The following RIC3 variants were observed in gnomAD, a reference collection of about 807,000 sequenced individuals.
RIC3 encodes RIC3 acetylcholine receptor chaperone.
A neutral mutation model predicts 27.3 loss-of-function variants in RIC3; 28 were observed. The ratio of observed to expected loss-of-function variants is 1.02; its 90% CI spans 0.76 to 1.41. The LOEUF (loss-of-function observed/expected upper bound fraction) is 1.41, where lower values mean the gene tolerates loss of function less well. Ranked by LOEUF, RIC3 falls within the 40% of genes most tolerant of loss-of-function variation. RIC3 has a pLI of 0.00. For synonymous variants in RIC3, 184 were observed against 160.4 expected, an observed-to-expected ratio of 1.15 and a Z score of -1.11; for missense variants, 501 against 444.7, an observed-to-expected ratio of 1.13 and a Z score of -1.14.
intron 4 of RIC3, 56 bp from the exon 5 acceptor site, chr11:8,126,863 C>A: frequency 6.3e-7 from 1 of 1,597,986 alleles, no homozygotes; most frequent in Non-Finnish European, 8.6e-7. Flanking sequence ...AGGCAATGGA[C>A]GTAAACATCA....
rs1945198624 is a variant in RIC3, at chr11:8,111,064, C to A, written c.744G>T (p.Val248=). The A allele has an allele frequency of 1.2e-6, 2 of 1,613,942 alleles. No homozygotes were observed. The highest frequency in any genetic ancestry group is 2.2e-5 in the South Asian group (2 of 91,072). The part of the protein sequence containing the change: ...CIKRRQETIL[V]DYPDPKELSA... ...AAAGTTCTTTTGGGTCAGGGTAATC[C>A]ACCAAGATTGTTTCTTGCCTACGCT... Residue 248 remains valine (V), a synonymous_variant, in exon 6 of 6, where the codon GTG becomes GTT. Transcript: ENST00000309737.
rs924453642 is a variant in RIC3 at position 8,154,619 on chromosome 11, A to T, written c.124+14247T>A. Reference sequence around the variant, plus strand: ...CTCTAGTTGATTCATTTAAACTGCAATATAGCATCACATTGTATGACCATA... The same window carrying T: ...CTCTAGTTGATTCATTTAAACTGCATTATAGCATCACATTGTATGACCATA... On this transcript the variant is annotated intron_variant, in intron 1 of 5. Transcript: ENST00000309737. Among the ~76,000 whole-genome samples, 6 of 152,350 alleles carry T rather than the reference A, an allele frequency of 3.9e-5. No individual in the cohort carries two copies. The East Asian group carries it at 5.8e-4, about 15-fold the overall frequency.
intron 1 of RIC3, among the ~76,000 whole-genome samples, chr11:8,152,481 T>C (rs891117408): frequency 6.6e-6 from 1 of 152,194 alleles, no homozygotes; most frequent in Admixed American, 6.5e-5. Flanking sequence ...CCACATATTA[T>C]ATGGTTCCAT....
chr11:8,094,513 C>G, the RIC3 span, among the ~76,000 whole-genome samples: 1 of 152,214 alleles, frequency 6.6e-6, no homozygotes, highest in African/African-American at 2.4e-5. Context: ...AGGATCTCAC[C>G]CAGCCTGGAC....
At chr11:8,145,515 G>C (rs192659000) in intron 1 of RIC3, among the ~76,000 whole-genome samples, 110 of 152,290 alleles carry the variant, frequency 7.2e-4, no homozygotes, top group African/African-American at 2.5e-3. Flanking sequence ...TAAGTACTCA[G>C]CTTGGGTAGG....
the RIC3 span, among the ~76,000 whole-genome samples, chr11:8,097,022 G>A: frequency 1.8e-3 from 281 of 152,198 alleles, no homozygotes; most frequent in Non-Finnish European, 3.3e-3. Flanking sequence ...AGGACCTCCC[G>A]TATCTCCCAT....
chr11:8,116,583 A>T (rs1269841709), intron 5 of RIC3, among the ~76,000 whole-genome samples: 2 of 152,244 alleles, frequency 1.3e-5, no homozygotes, highest in African/African-American at 2.4e-5. Context: ...AGAAAACCCA[A>T]TTTAAAAATG....
chr11:8,134,901 C>T (rs1948192192), intron 4 of RIC3, among the ~76,000 whole-genome samples: 2 of 152,150 alleles, frequency 1.3e-5, no homozygotes, highest in South Asian at 4.1e-4. Context: ...AGCCCTTTGT[C>T]AGATGAGTAG....
the RIC3 span, chr11:8,096,646 TCTC>T: frequency 2.5e-4 from 341 of 1,384,744 alleles, 3 homozygotes; most frequent in Admixed American, 5.2e-4. Flanking sequence ...AGCGTAGACT[TCTC>T]CTCCTTCATC....
chr11:8,117,359 C>T (rs552060937), intron 5 of RIC3, among the ~76,000 whole-genome samples: 48 of 152,240 alleles, frequency 3.2e-4, no homozygotes, highest in Non-Finnish European at 4.1e-4. Flanking sequence ...GCCACCATAC[C>T]TGGCCTACTG....
At chr11:8,127,221 C>T (rs1189149846) in intron 4 of RIC3, among the ~76,000 whole-genome samples, 2 of 152,122 alleles carry the variant, frequency 1.3e-5, no homozygotes, top group Non-Finnish European at 2.9e-5. Flanking sequence ...CAAAGGAAAA[C>T]GTTCTGGGCC....
rs577560825 is a variant in RIC3, at chr11:8,140,081, G to A, written c.237C>T (p.Ala79=). ...CTCCAGCACCTCCACCTGATCCTTT[G>A]GCCTTTGCAAATGCCTCGGCAAGGT... is the stretch of plus-strand genomic sequence containing the variant. ...RSHLAEAFAK[A]KGSGGGAGGG... is the part of the protein sequence containing the mutation. Residue 79 remains alanine, a synonymous_variant, in exon 2 of 6, where the codon GCC becomes GCT. Transcript: ENST00000309737. 19 of 1,613,918 alleles carry A rather than the reference G, an allele frequency of 1.2e-5. 1 individual carries two copies. Among genetic ancestry groups the A allele is most frequent in the African/African-American group, 6.7e-5 (5 of 74,970 alleles).
intron 5 of RIC3, among the ~76,000 whole-genome samples, chr11:8,117,061 T>C (rs1945929025): frequency 2.6e-5 from 4 of 151,974 alleles, no homozygotes; most frequent in Admixed American, 2.0e-4. Context: ...CACAACAGAA[T>C]AGTACTTAGC....
In RIC3 at chr11:8,109,560, C is replaced by G. The variant is rs1223285888; in HGVS notation, c.*1138G>C. 6.6e-6 allele frequency: 1 copy of G among 152,102 alleles called. No individual in the cohort carries two copies. The highest frequency in any genetic ancestry group is 2.4e-5 in the African/African-American group (1 of 41,426). 9.4% of individuals were successfully genotyped at this position (152,102 alleles called of 1,614,324 possible). A position where few individuals can be genotyped will look rare whatever the true frequency, so the allele number is the denominator to read the frequency against. ...CGAGTATGGAACACATGGTCTCTAC[C>G]CCTGGGCACTGCTATATTGGTTCTC... is the stretch of plus-strand genomic sequence containing the variant. On this transcript the variant is annotated 3_prime_UTR_variant, in exon 6 of 6. Transcript: ENST00000309737.
intron 5 of RIC3, among the ~76,000 whole-genome samples, chr11:8,124,555 T>C (rs1046469047): frequency 6.6e-6 from 1 of 152,082 alleles, no homozygotes; most frequent in Non-Finnish European, 1.5e-5. Context: ...TTATCTGAAA[T>C]TGTGAAGGAA....
At chr11:8,113,956 T>C (rs770832130) in intron 5 of RIC3, among the ~76,000 whole-genome samples, 3 of 152,290 alleles carry the variant, frequency 2.0e-5, no homozygotes. Flanking sequence ...ATAGCCTCTC[T>C]GCACAAGATA....
chr11:8,100,259 C>A, the RIC3 span, among the ~76,000 whole-genome samples: 1 of 151,212 alleles, frequency 6.6e-6, no homozygotes, highest in Non-Finnish European at 1.5e-5. Flanking sequence ...AGTAGTTTGC[C>A]GGAGCGAGTG....
At chr11:8,122,584 G>C (rs1444130209) in intron 5 of RIC3, among the ~76,000 whole-genome samples, 1 of 152,118 alleles carries the variant, frequency 6.6e-6, no homozygotes, top group Non-Finnish European at 1.5e-5. Context: ...ATAGCTACTT[G>C]AGTCATAAGA....
At chr11:8,093,931 G>A in the RIC3 span, 1 of 1,236,668 alleles carries the variant, frequency 8.1e-7, no homozygotes. Flanking sequence ...CAGGGGCCCT[G>A]GTGGGACTCG....
Sources: allele counts gnomAD v4.1 joint callset (sites outside exome capture counted in the v4.1 genomes callset), GRCh38; gene constraint gnomAD v4.1.1; transcripts MANE v1.5; gene names NCBI Gene and HGNC (gene_info 2026-07-23, HGNC 2026-07-21).